TNK2: variants seen among roughly 807,000 people sequenced by gnomAD.
TNK2 encodes the protein activated CDC42 kinase 1.
In TNK2, 83 loss-of-function variants were observed where a neutral mutation model predicts 101.8. The observed-to-expected ratio is 0.82, with a 90% CI of 0.68 to 0.98. The LOEUF (loss-of-function observed/expected upper bound fraction) is 0.98, where lower values mean the gene tolerates loss of function less well. Ranked by LOEUF, TNK2 falls within the 50% of genes least tolerant of loss-of-function variation. The pLI, the probability that TNK2 is intolerant of heterozygous loss-of-function variation, is 0.00. For missense variants in TNK2, 1,665 were observed against 1,483.2 expected (o/e 1.12, Z -2.01); for synonymous variants, 804 against 633.0 (o/e 1.27, Z -4.06).
In TNK2 at chr3:195,887,031, C is replaced by T; in HGVS notation, c.180G>A (p.Trp60Ter). 1 of 1,614,234 alleles carries T rather than the reference C, an allele frequency of 6.2e-7. No individual in the cohort carries two copies. Among genetic ancestry groups the T allele is most frequent in the Non-Finnish European group, 8.5e-7 (1 of 1,180,038 alleles). Residue 60 changes from tryptophan to a stop codon, truncating the protein, a stop_gained, in exon 3 of 16, where the codon TGG becomes TGA. Transcript: ENST00000672887. LOFTEE classifies it high-confidence loss of function. ...AGGCCTTCCTCCTCTTCACAGCCTC[C>T]CACAGCCGCCGCTGGCCTGCAGGGA... The part of the protein sequence containing the change: ...GMGRPGQRRL[W>*]EAVKRRKALC...
Position 195,885,072 on chromosome 3 carries a change from C to A in TNK2, c.235-39G>T. The A allele has an allele frequency of 6.5e-7, 1 of 1,534,402 alleles. No homozygotes were observed. Among genetic ancestry groups the A allele is most frequent in the Non-Finnish European group, 8.8e-7 (1 of 1,135,160 alleles). On this transcript the variant is annotated intron_variant, in intron 3 of 15. Coordinates refer to ENST00000672887, the MANE Select transcript of TNK2 (RefSeq NM_001382273.1). This position sits in a 1 kb window ranked among gnomAD's most constrained non-coding sequence, Gnocchi z 4.7. ...GCCGGGGGCCAGATGGAATCCAACA[C>A]CCCAGGGTCAGTCACTCAGTCCCAC...
chr3:195,898,874 C>T (rs1391522881), intron 1 of TNK2, among the ~76,000 whole-genome samples: 1 of 152,170 alleles, frequency 6.6e-6, no homozygotes, highest in Non-Finnish European at 1.5e-5. Flanking sequence ...GCAGGCGGAT[C>T]ACCTGAGGTC....
chr3:195,892,300 A>T, intron 1 of TNK2: 2 of 1,110,696 alleles, frequency 1.8e-6, no homozygotes, highest in Non-Finnish European at 2.5e-6. Flanking sequence ...TCAAGCCCTC[A>T]CTGGCGGGGT....
At position 195,868,370 on chromosome 3, in the gene TNK2, G is replaced by A. The variant is rs774965640; in HGVS notation, c.1928C>T (p.Pro643Leu). Residue 643 changes from proline to leucine, a missense_variant, in exon 13 of 16, where the codon CCG (proline) becomes CTG (leucine). Pro to Leu is a moderately conservative substitution (Grantham distance 98, BLOSUM62 -3). Transcript: ENST00000672887. ...PTPVVDWDAR[P>L]LPPPPAYDDV... ...GTCATAGGCGGGCGGGGGGGGCAGCGGGCGTGCGTCCCAGTCCACCACAGG... is the reference window on the plus strand; with the variant it reads ...GTCATAGGCGGGCGGGGGGGGCAGCAGGCGTGCGTCCCAGTCCACCACAGG... 27 of 1,595,488 alleles carry A rather than the reference G, an allele frequency of 1.7e-5. No homozygotes were observed. Among genetic ancestry groups the A allele is most frequent in the East Asian group, 8.9e-5 (4 of 44,768 alleles).
At chr3:195,864,680 G>A (rs1739382792) in intron 15 of TNK2, among the ~76,000 whole-genome samples, 1 of 130,086 alleles carries the variant, frequency 7.7e-6, no homozygotes, top group East Asian at 2.3e-4. Flanking sequence ...ACAGGTGACA[G>A]CGAGTGCCTG....
intron 1 of TNK2, chr3:195,895,651 C>G: frequency 8.0e-7 from 1 of 1,257,342 alleles, no homozygotes; most frequent in Non-Finnish European, 1.0e-6. Flanking sequence ...CTTCGCCGGC[C>G]GCGGAACCGG....
In TNK2 at chr3:195,868,467, C is replaced by T. The variant is rs367962373; in HGVS notation, c.1831G>A (p.Ala611Thr). ...GGGGTCTCGTCCAGCAGGGAGCAGG[C>T]GTCCATGGCCAGCTGCGCCAGGGAG... ...APSLAQLAMDACSLLDETPPQ... is the reference protein window; with the variant it reads ...APSLAQLAMDTCSLLDETPPQ... Residue 611 changes from alanine to threonine, a missense_variant, in exon 13 of 16, where the codon GCC becomes ACC. Transcript: ENST00000672887. 4.8e-5 allele frequency: 74 copies of T among 1,554,204 alleles called. No homozygotes were observed. The highest frequency in any genetic ancestry group is 1.9e-4 in the African/African-American group (14 of 72,600).
chr3:195,886,946 CT>C lies in TNK2; in HGVS notation c.234+30del, dbSNP rs1755915515. The C allele has an allele frequency of 1.9e-6, 3 of 1,610,238 alleles. No individual in the cohort carries two copies. The African/African-American group carries it at 4.0e-5, about 21-fold the overall frequency. On this transcript the variant is annotated intron_variant, in intron 3 of 15. Transcript: ENST00000672887. The surrounding 1 kb of genome is among the most constrained non-coding windows in gnomAD (Gnocchi z 4.2). ...GAGGGGGGCGTTCGAGGCTGCCCCCCTCCCACCTCCTCACCCACCTCCTCAC... is the reference window on the plus strand; with the variant it reads ...GAGGGGGGCGTTCGAGGCTGCCCCCCCCCACCTCCTCACCCACCTCCTCAC...
At chr3:195,883,883 TG>T (rs1452943148) in intron 4 of TNK2, 1 of 152,462 alleles carries the variant, frequency 6.6e-6, no homozygotes, top group African/African-American at 2.4e-5. Context: ...ATGCTGTAAA[TG>T]TAATGCCAAA....
chr3:195,905,940 C>T (rs1352176802), intron 1 of TNK2, among the ~76,000 whole-genome samples: 2 of 152,160 alleles, frequency 1.3e-5, no homozygotes, highest in East Asian at 1.9e-4. Context: ...TGATAAAAGG[C>T]TTATATCCAG....
At position 195,882,526 on chromosome 3, in the gene TNK2, G is replaced by C. The variant is rs1299972174; in HGVS notation, c.610-198C>G. On this transcript the variant is annotated intron_variant, in intron 5 of 15. Coordinates refer to ENST00000672887, the MANE Select transcript of TNK2 (RefSeq NM_001382273.1). The surrounding 1 kb of genome is among the most constrained non-coding windows in gnomAD (Gnocchi z 4.2). Reference sequence around the variant, plus strand: ...CCTCGAGGCAATTTGGGAAACTGATGCCTAGAGAGAAGGAGCCCAAAGAGG... The same window carrying C: ...CCTCGAGGCAATTTGGGAAACTGATCCCTAGAGAGAAGGAGCCCAAAGAGG... The C allele has an allele frequency of 6.5e-7, 1 of 1,533,424 alleles. No individual in the cohort carries two copies. The highest frequency in any genetic ancestry group is 2.5e-5 in the East Asian group (1 of 40,718). The allele number at this position is 1,533,424 out of a possible 1,614,324, so 95.0% of individuals were successfully genotyped here. A position where few individuals can be genotyped will look rare whatever the true frequency, so the allele number is the denominator to read the frequency against.
intron 11 of TNK2, 195 bp from the exon 12 acceptor site, chr3:195,869,736 T>C (rs1743648691): frequency 1.4e-5 from 9 of 632,512 alleles, no homozygotes; most frequent in Non-Finnish European, 2.5e-5. Flanking sequence ...TCCAGTATGA[T>C]AGGCAGAGGA....
In TNK2 at chr3:195,868,918, AG is replaced by A. The variant is rs1358691879; in HGVS notation, c.1589-210del. 12 of 588,930 alleles carry A rather than the reference AG, an allele frequency of 2.0e-5. No individual in the cohort carries two copies. The Admixed American group carries it at 2.2e-4, about 11-fold the overall frequency. 36.5% of individuals were successfully genotyped at this position (588,930 alleles called of 1,614,324 possible). A position where few individuals can be genotyped will look rare whatever the true frequency, so the allele number is the denominator to read the frequency against. On this transcript the variant is annotated intron_variant, in intron 12 of 15. Transcript: ENST00000672887. ...GAGGGCGGAACCTGCTCTGCCCGGC[AG>A]CCCCATGTGGGCCGGTGAGCCCCGC...
chr3:195,905,299 A>G (rs1761611857), intron 1 of TNK2, among the ~76,000 whole-genome samples: 1 of 152,144 alleles, frequency 6.6e-6, no homozygotes, highest in Non-Finnish European at 1.5e-5. Context: ...TCCCGGGTTC[A>G]TGCGATTCTC....
chr3:195,864,264 G>A (rs1313536461), intron 15 of TNK2, 77 bp from the exon 16 acceptor site: 5 of 1,571,974 alleles, frequency 3.2e-6, no homozygotes, highest in Non-Finnish European at 4.4e-6. Flanking sequence ...GGGTCACACT[G>A]GTGCCAGGCA....
rs553430752 is a variant in TNK2, at chr3:195,868,360, G to T, written c.1938C>A (p.Pro646=). 10 of 1,597,740 alleles carry T rather than the reference G, an allele frequency of 6.3e-6. No individual in the cohort carries two copies. Among genetic ancestry groups the T allele is most frequent in the East Asian group, 4.5e-5 (2 of 44,786 alleles). The change falls in exon 13 of 16, where the codon CCC becomes CCA. Residue 646 remains proline, a synonymous_variant. Coordinates refer to ENST00000672887, the MANE Select transcript of TNK2 (RefSeq NM_001382273.1). ...VVDWDARPLP[P]PPAYDDVAQD... ...GGGCCACGTCGTCATAGGCGGGCGG[G>T]GGGGGCAGCGGGCGTGCGTCCCAGT... is the stretch of plus-strand genomic sequence containing the variant.
Position 195,872,474 on chromosome 3 carries a change from C to T in TNK2, c.1257-4G>A, listed in dbSNP as rs376687689. On this transcript the variant is annotated splice_region_variant and splice_polypyrimidine_tract_variant and intron_variant, in intron 9 of 15. Transcript: ENST00000672887. ...ACGCCACCAGTAGTTCTCGGCCCTG[C>T]GCGACAGAGATGGCACGGTGAACGC... 4.7e-5 allele frequency: 74 copies of T among 1,576,424 alleles called. No homozygotes were observed. Among genetic ancestry groups the T allele is most frequent in the Middle Eastern group, 1.7e-4 (1 of 5,744 alleles).
rs1753656544 is a variant in TNK2, at chr3:195,882,550, G to A, written c.610-222C>T. The A allele has an allele frequency of 6.6e-7, 1 of 1,524,816 alleles. No homozygotes were observed. The highest frequency in any genetic ancestry group is 1.4e-5 in the African/African-American group (1 of 72,872). 94.5% of individuals were successfully genotyped at this position (1,524,816 alleles called of 1,614,324 possible). On this transcript the variant is annotated intron_variant, in intron 5 of 15. Transcript: ENST00000672887. The surrounding 1 kb of genome is among the most constrained non-coding windows in gnomAD (Gnocchi z 4.2). The stretch of plus-strand genomic sequence containing the variant: ...TGCCTAGAGAGAAGGAGCCCAAAGA[G>A]GCAGTGGCTAGAAATTCCAAAACTC...
rs1219794555 is a variant in TNK2 at position 195,885,028 on chromosome 3, G to T, written c.240C>A (p.Phe80Leu). Reference protein sequence around the residue: ...CKRKSWMSKVFSGKRLEAEFP... With the variant: ...CKRKSWMSKVLSGKRLEAEFP... The stretch of plus-strand genomic sequence containing the variant: ...ACTCAGCCTCCAGTCGCTTTCCACT[G>T]AACACCTGTTTGAAGGCAGCCGGGG... Residue 80 changes from phenylalanine (F) to leucine (L), a missense_variant, in exon 4 of 16, where the codon TTC becomes TTA. Transcript: ENST00000672887. The surrounding 1 kb of genome is among the most constrained non-coding windows in gnomAD (Gnocchi z 4.7). 5 of 1,595,368 alleles carry T rather than the reference G, an allele frequency of 3.1e-6. No individual in the cohort carries two copies. The highest frequency in any genetic ancestry group is 2.2e-5 in the East Asian group (1 of 44,530).
Sources: gnomAD v4.1 joint callset for allele counts (sites outside exome capture counted in the v4.1 genomes callset) on GRCh38, gnomAD v4.1.1 for gene constraint, Gnocchi (gnomAD v3.1) non-coding constraint, MANE v1.5 for transcripts, NCBI Gene and HGNC (gene_info 2026-07-23, HGNC 2026-07-21) for gene names.